RIOX2: variants seen among roughly 807,000 people sequenced by gnomAD.
The protein encoded by RIOX2 is 60S ribosomal protein L27a histidine hydroxylase.
RIOX2 carries 43 observed loss-of-function variants against 51.2 expected under a neutral mutation model. The observed-to-expected ratio is 0.84, with a 90% CI of 0.66 to 1.08. The LOEUF (loss-of-function observed/expected upper bound fraction) is 1.08. RIOX2 is among the 50% of genes least tolerant of loss of function. The probability of loss-of-function intolerance (pLI) is 0.00; values close to 1 mark genes in which losing one functional copy is unlikely to be tolerated. For synonymous variants in RIOX2, 226 were observed against 218.5 expected, an observed-to-expected ratio of 1.03 and a Z score of -0.30; for missense variants, 566 against 561.7, an observed-to-expected ratio of 1.01 and a Z score of -0.08.
At chr3:97,953,690 G>T (rs113045630) in intron 5 of RIOX2, among the ~76,000 whole-genome samples, 4,474 of 152,198 alleles carry the variant, frequency 0.029, 87 homozygotes, top group African/African-American at 0.043. Flanking sequence ...GCCATGATTA[G>T]TATTTTTAAA....
intron 4 of RIOX2, among the ~76,000 whole-genome samples, chr3:97,956,775 G>A (rs1360204172): frequency 1.3e-5 from 2 of 152,152 alleles, no homozygotes; most frequent in East Asian, 1.9e-4. Flanking sequence ...GATTACAGGC[G>A]TGAGCCACCG....
chr3:97,953,635 A>T (rs1390903374), intron 5 of RIOX2, among the ~76,000 whole-genome samples: 1 of 152,148 alleles, frequency 6.6e-6, no homozygotes, highest in Non-Finnish European at 1.5e-5. Flanking sequence ...CACCCGCCTC[A>T]GCCTCCCAAA....
chr3:97,968,127 C>A (rs1197355491), intron 1 of RIOX2, among the ~76,000 whole-genome samples: 1 of 152,132 alleles, frequency 6.6e-6, no homozygotes, highest in East Asian at 1.9e-4. Context: ...CGCAGCACCA[C>A]CCCAACTGTT....
intron 2 of RIOX2, among the ~76,000 whole-genome samples, chr3:97,962,371 CCCA>C (rs1245977869): frequency 2.5e-5 from 3 of 118,402 alleles, no homozygotes; most frequent in Admixed American, 8.2e-5. Context: ...CCCCCCCCCC[CCCA>C]CATGGAGATG....
intron 5 of RIOX2, 172 bp from the exon 6 acceptor site, chr3:97,951,060 C>T: frequency 1.8e-6 from 1 of 567,480 alleles, no homozygotes; most frequent in Non-Finnish European, 3.1e-6. Flanking sequence ...AATCTAAGAC[C>T]TTCATCAACC....
intron 5 of RIOX2, among the ~76,000 whole-genome samples, chr3:97,952,653 C>G (rs569411415): frequency 7.9e-5 from 12 of 152,250 alleles, no homozygotes; most frequent in African/African-American, 2.4e-4. Flanking sequence ...CGATGGGACA[C>G]CCACAGATGC....
intron 5 of RIOX2, chr3:97,952,340 G>A (rs1041463459): frequency 3.2e-5 from 25 of 780,026 alleles, no homozygotes; most frequent in Non-Finnish European, 4.8e-5. Flanking sequence ...CTGTAACTTA[G>A]GAAGCTCTTC....
chr3:97,952,718 G>A (rs934882281), intron 5 of RIOX2, among the ~76,000 whole-genome samples: 1 of 152,122 alleles, frequency 6.6e-6, no homozygotes, highest in Admixed American at 6.5e-5. Context: ...AATCCAGAAT[G>A]GACTTCTAAT....
chr3:97,959,143 G>A lies in RIOX2; in HGVS notation c.589C>T (p.Arg197Cys), dbSNP rs139798076. ...AGGGGCACAGTGGGGTGGTAGAGGC[G>A]CCAGTGTTTCTCTCCCTCCAGCTGC... The part of the protein sequence containing the change: ...ILQLEGEKHW[R>C]LYHPTVPLAR... The change falls in exon 4 of 10, where the codon CGC becomes TGC. Residue 197 changes from arginine (R) to cysteine (C), a missense_variant. Coordinates refer to ENST00000394198, the MANE Select transcript of RIOX2 (RefSeq NM_153182.4). 62 of 1,613,892 alleles carry A rather than the reference G, an allele frequency of 3.8e-5. No individual in the cohort carries two copies. Among genetic ancestry groups the A allele is most frequent in the Admixed American group, 1.3e-4 (8 of 59,994 alleles).
Position 97,967,608 on chromosome 3 carries a change from G to C in RIOX2, c.-15C>G, listed in dbSNP as rs1312106315. On this transcript the variant is annotated 5_prime_UTR_variant, in exon 2 of 10. Transcript: ENST00000394198. ...TTCTTTGGCATCGTTCTGTCTTCAA[G>C]ACAAAGCAGTAAGGAAATGCAAACC... is the stretch of plus-strand genomic sequence containing the variant. 1.9e-6 allele frequency: 3 copies of C among 1,548,060 alleles called. No homozygotes were observed. The highest frequency in any genetic ancestry group is 2.6e-6 in the Non-Finnish European group (3 of 1,155,092).
chr3:97,952,152 C>A lies in RIOX2; in HGVS notation c.786-1264G>T, dbSNP rs765310357. 1.2e-5 allele frequency: 16 copies of A among 1,288,114 alleles called. No homozygotes were observed. The African/African-American group carries it at 2.1e-4, about 17-fold the overall frequency. 79.8% of individuals were successfully genotyped at this position (1,288,114 alleles called of 1,614,324 possible). ...TTAGGAAGAGGCCCCAAATATTCAC[C>A]TTTACATGGTACCTGAAGGAGCATT... On this transcript the variant is annotated intron_variant, in intron 5 of 9. Transcript: ENST00000394198.
At chr3:97,959,213 G>A (rs1191093214) in intron 3 of RIOX2, 34 bp from the exon 4 acceptor site, 9 of 1,596,524 alleles carry the variant, frequency 5.6e-6, no homozygotes, top group Non-Finnish European at 7.7e-6. Context: ...GCATCAGAGA[G>A]CTTCCTGACA....
At position 97,967,576 on chromosome 3, in the gene RIOX2, C is replaced by G. The variant is rs1283047217; in HGVS notation, c.18G>C (p.Lys6Asn). 3 of 1,585,046 alleles carry G rather than the reference C, an allele frequency of 1.9e-6. No individual in the cohort carries two copies. The African/African-American group carries it at 4.1e-5, about 22-fold the overall frequency. The change falls in exon 2 of 10, where the codon AAG becomes AAC. Residue 6 changes from lysine to asparagine, a missense_variant. By Grantham distance (94) the Lys-to-Asn change is moderately conservative. Coordinates refer to ENST00000394198, the MANE Select transcript of RIOX2 (RefSeq NM_153182.4). MPKKA[K>N]PTGSGKEEGP... The stretch of plus-strand genomic sequence containing the variant: ...CCTCTTCCTTCCCACTCCCTGTAGG[C>G]TTTGCTTTCTTTGGCATCGTTCTGT...
chr3:97,961,635 G>A lies in RIOX2; in HGVS notation c.506C>T (p.Thr169Ile). 1.9e-6 allele frequency: 3 copies of A among 1,612,728 alleles called. No individual in the cohort carries two copies. The highest frequency in any genetic ancestry group is 2.5e-6 in the Non-Finnish European group (3 of 1,179,642). Residue 169 changes from threonine to isoleucine, a missense_variant, in exon 3 of 10, where the codon ACT becomes ATT. By Grantham distance (89) the Thr-to-Ile change is moderately conservative. Coordinates refer to ENST00000394198, the MANE Select transcript of RIOX2 (RefSeq NM_153182.4). ...CGGCAGGCCCTGAGATCCTGCGGGAGTTATGTACACATTCGAGCCAACCAA... is the reference window on the plus strand; with the variant it reads ...CGGCAGGCCCTGAGATCCTGCGGGAATTATGTACACATTCGAGCCAACCAA... ...GSLVGSNVYI[T>I]PAGSQGLPPH... is the part of the protein sequence containing the mutation.
chr3:97,947,201 T>G (rs1334344008), intron 8 of RIOX2, among the ~76,000 whole-genome samples, 160 bp downstream of exon 8: 1 of 152,152 alleles, frequency 6.6e-6, no homozygotes, highest in East Asian at 1.9e-4. Context: ...GAATTGGAAC[T>G]GTGAGATTTG....
chr3:97,968,964 T>G (rs367700228), intron 1 of RIOX2, among the ~76,000 whole-genome samples: 1 of 152,258 alleles, frequency 6.6e-6, no homozygotes, highest in African/African-American at 2.4e-5. Flanking sequence ...CTAAGTGGAA[T>G]TAATGTTCTG....
At chr3:97,969,846 G>A (rs970333294) in intron 1 of RIOX2, among the ~76,000 whole-genome samples, 2 of 152,184 alleles carry the variant, frequency 1.3e-5, no homozygotes, top group African/African-American at 4.8e-5. Context: ...TTTGCTGACT[G>A]TGCTTGATAT....
chr3:97,960,539 A>G (rs1439381339), intron 3 of RIOX2, among the ~76,000 whole-genome samples: 1 of 152,180 alleles, frequency 6.6e-6, no homozygotes, highest in Non-Finnish European at 1.5e-5. Context: ...TTTTGACTGC[A>G]TGAGGTGTTG....
At chr3:97,962,926 C>G (rs1385164542) in intron 2 of RIOX2, among the ~76,000 whole-genome samples, 1 of 152,158 alleles carries the variant, frequency 6.6e-6, no homozygotes, top group Non-Finnish European at 1.5e-5. Context: ...TCACAAAGGG[C>G]ACTAAAGAGA....
Sources: allele counts gnomAD v4.1 joint callset (sites outside exome capture counted in the v4.1 genomes callset), GRCh38; gene constraint gnomAD v4.1.1; transcripts MANE v1.5; gene names NCBI Gene and HGNC (gene_info 2026-07-23, HGNC 2026-07-21).